MYH7: variants seen among roughly 807,000 people sequenced by gnomAD.
The protein encoded by MYH7 is myosin heavy chain 7, also known as myosin-7.
A neutral mutation model predicts 225.4 loss-of-function variants in MYH7; 129 were observed. That is an observed-to-expected ratio of 0.57 (90% CI 0.50 to 0.66). MYH7 has a LOEUF of 0.66. MYH7 is among the 30% of genes least tolerant of loss of function. The pLI, the probability that MYH7 is intolerant of heterozygous loss-of-function variation, is 0.00. For missense variants in MYH7, 1,649 were observed against 2,517.0 expected, an observed-to-expected ratio of 0.66 and a Z score of 7.38; for synonymous variants, 971 against 1,007.6, an observed-to-expected ratio of 0.96 and a Z score of 0.69.
chr14:23,431,328 G>C (rs1892926208), intron 9 of MYH7, 90 bp downstream of exon 9: 1 of 1,288,492 alleles, frequency 7.8e-7, no homozygotes, highest in African/African-American at 1.5e-5. Context: ...GAAAAACAGA[G>C]GGAGGGAGGG....
At chr14:23,419,793 A>C in intron 27 of MYH7, 52 bp downstream of exon 27, 1 of 1,613,988 alleles carries the variant, frequency 6.2e-7, no homozygotes, top group Middle Eastern at 1.7e-4. Flanking sequence ...CATGGACAGA[A>C]AGGGGAGGTG....
chr14:23,431,950 C>T (rs1892964181), intron 6 of MYH7, 81 bp from the exon 7 acceptor site: 7 of 1,445,090 alleles, frequency 4.8e-6, no homozygotes, highest in Non-Finnish European at 5.8e-6. Flanking sequence ...AATGCCTGGG[C>T]CTACCCGAGA....
intron 18 of MYH7, 84 bp downstream of exon 18, chr14:23,426,693 G>C (rs1892706179): frequency 1.6e-6 from 2 of 1,272,466 alleles, no homozygotes; most frequent in African/African-American, 2.9e-5. Context: ...CCACTGTGGT[G>C]GTAGGTAGGG....
chr14:23,416,141 G>C lies in MYH7; in HGVS notation c.4816C>G (p.Arg1606Gly). The C allele has an allele frequency of 6.2e-7, 1 of 1,614,168 alleles. No homozygotes were observed. Among genetic ancestry groups the C allele is most frequent in the Non-Finnish European group, 8.5e-7 (1 of 1,180,042 alleles). The change falls in exon 34 of 40, where the codon CGC (arginine) becomes GGC (glycine). Residue 1606 changes from arginine to glycine, a missense_variant. Physicochemically the swap from Arg to Gly is moderately radical, Grantham distance 125. This residue lies in a region of MYH7 where 687 missense variants were observed against 913.8 expected (regional missense o/e 0.75). Transcript: ENST00000355349. Reference sequence around the variant, plus strand: ...ACCCTCAGGGCCTCGTTGCGGCTGCGTGTCTCTGCGTCCAGGGAGGTCTGC... The same window carrying C: ...ACCCTCAGGGCCTCGTTGCGGCTGCCTGTCTCTGCGTCCAGGGAGGTCTGC... ...SLQTSLDAET[R>G]SRNEALRVKK...
At position 23,417,005 on chromosome 14, in the gene MYH7, C is replaced by T. The variant is rs1892242016; in HGVS notation, c.4520-13G>A. The T allele has an allele frequency of 1.2e-6, 2 of 1,614,108 alleles. No individual in the cohort carries two copies. Among genetic ancestry groups the T allele is most frequent in the East Asian group, 2.2e-5 (1 of 44,900 alleles). The stretch of plus-strand genomic sequence containing the variant: ...TCGGAGATCTCCTCTGTGTGGGGAA[C>T]ACGGTAACTCGGTTGAGGGCTGCTG... On this transcript the variant is annotated splice_polypyrimidine_tract_variant and intron_variant, in intron 32 of 39. Transcript: ENST00000355349.
chr14:23,430,578 C>T lies in MYH7; in HGVS notation c.981G>A (p.Glu327=). ...ETTVASIDDA[E]ELMATDNAFD... Reference sequence around the variant, plus strand: ...CACTCACATCAGTGGCCATGAGCTCCTCAGCGTCATCAATGGAGGCCACGG... The same window carrying T: ...CACTCACATCAGTGGCCATGAGCTCTTCAGCGTCATCAATGGAGGCCACGG... The change falls in exon 11 of 40, where the codon GAG becomes GAA. Residue 327 remains glutamate, a synonymous_variant. Coordinates refer to ENST00000355349, the MANE Select transcript of MYH7 (RefSeq NM_000257.4). The T allele has an allele frequency of 1.2e-6, 2 of 1,613,944 alleles. No individual in the cohort carries two copies. Among genetic ancestry groups the T allele is most frequent in the Non-Finnish European group, 1.7e-6 (2 of 1,179,850 alleles).
Position 23,416,061 on chromosome 14 carries a change from G to T in MYH7, c.4896C>A (p.Ala1632=), listed in dbSNP as rs765324390. ...TCTGGGCCTCGGCGGCCATGCGGTT[G>T]GCGTGGCTGAGCTGGATCTCCATCT... ...LNEMEIQLSH[A]NRMAAEAQKQ... Residue 1632 remains alanine, a synonymous_variant, in exon 34 of 40, where the codon GCC becomes GCA. Transcript: ENST00000355349. 1 of 1,614,202 alleles carries T rather than the reference G, an allele frequency of 6.2e-7. No homozygotes were observed. The highest frequency in any genetic ancestry group is 2.2e-5 in the East Asian group (1 of 44,888).
chr14:23,418,099 T>C, intron 30 of MYH7, 111 bp downstream of exon 30: 1 of 1,514,258 alleles, frequency 6.6e-7, no homozygotes, highest in Non-Finnish European at 9.2e-7. Flanking sequence ...TCCTCCTGTG[T>C]TGTCAAACAC....
At chr14:23,430,468 C>T in intron 11 of MYH7, 92 bp downstream of exon 11, 2 of 1,034,820 alleles carry the variant, frequency 1.9e-6, no homozygotes, top group South Asian at 1.3e-5. Flanking sequence ...CTTTAAACAA[C>T]CAATGGCCAG....
chr14:23,421,206 C>T (rs138063342), intron 25 of MYH7, among the ~76,000 whole-genome samples, 158 bp from the exon 26 acceptor site: 438 of 152,228 alleles, frequency 2.9e-3, no homozygotes, highest in Non-Finnish European at 5.1e-3. Flanking sequence ...GTAACACCTG[C>T]GGTGAGATTG....
Position 23,429,024 on chromosome 14 carries a change from G to A in MYH7, c.1338C>T (p.Thr446=), listed in dbSNP as rs147327560. The A allele has an allele frequency of 2.5e-6, 4 of 1,614,074 alleles. No homozygotes were observed. The highest frequency in any genetic ancestry group is 3.4e-6 in the Non-Finnish European group (4 of 1,180,042). The change falls in exon 14 of 40, where the codon ACC becomes ACT. Residue 446 remains threonine (T), a synonymous_variant. Transcript: ENST00000355349. The part of the protein sequence containing the change: ...FNWMVTRINA[T]LETKQPRQYF... ...ACTGGCGTGGCTGCTTGGTCTCCAG[G>A]GTGGCATTGATGCGCGTCACCATCC...
chr14:23,434,386 G>C, intron 1 of MYH7, 137 bp from the exon 2 acceptor site: 2 of 422,728 alleles, frequency 4.7e-6, no homozygotes, highest in Non-Finnish European at 6.3e-6. Context: ...CAGCTTCTCT[G>C]GTCCCATCCT....
At chr14:23,417,447 A>C in intron 31 of MYH7, 56 bp downstream of exon 31, 2 of 1,611,928 alleles carry the variant, frequency 1.2e-6, no homozygotes, top group Non-Finnish European at 1.7e-6. Context: ...CCTCTCACTG[A>C]ACCCCTCATG....
In MYH7 at chr14:23,415,240, C is replaced by T. The variant is rs1326035646; in HGVS notation, c.5314G>A (p.Glu1772Lys). The change falls in exon 37 of 40, where the codon GAG becomes AAG. Residue 1772 changes from glutamate (E) to lysine (K), a missense_variant. Coordinates refer to ENST00000355349, the MANE Select transcript of MYH7 (RefSeq NM_000257.4). The surrounding 1 kb of genome is among the most constrained non-coding windows in gnomAD (Gnocchi z 6.3). ...TCCAGGTGGGCGCTGGTGTCCTGCTCCTTCTTCAGCTCCTCTGCCATCATG... is the reference window on the plus strand; with the variant it reads ...TCCAGGTGGGCGCTGGTGTCCTGCTTCTTCTTCAGCTCCTCTGCCATCATG... ...AAMMAEELKK[E>K]QDTSAHLERM... is the part of the protein sequence containing the mutation. 1 of 1,614,258 alleles carries T rather than the reference C, an allele frequency of 6.2e-7. No homozygotes were observed. The highest frequency in any genetic ancestry group is 2.2e-5 in the East Asian group (1 of 44,880).
At position 23,434,288 on chromosome 14, in the gene MYH7, C is replaced by A. The variant is rs1030013597; in HGVS notation, c.-64-39G>T. On this transcript the variant is annotated intron_variant, in intron 1 of 39. Coordinates refer to ENST00000355349, the MANE Select transcript of MYH7 (RefSeq NM_000257.4). ...AGAGGCTGTGTCAGGGCAGGCTGTG[C>A]CCAACCTGACCAGTCCCACCTTCCT... 17 of 995,538 alleles carry A rather than the reference C, an allele frequency of 1.7e-5. No individual in the cohort carries two copies. The South Asian group carries it at 6.2e-4, about 37-fold the overall frequency. 61.7% of individuals were successfully genotyped at this position (995,538 alleles called of 1,614,324 possible). A position where few individuals can be genotyped will look rare whatever the true frequency, so the allele number is the denominator to read the frequency against.
At chr14:23,428,355 C>A in intron 15 of MYH7, 145 bp downstream of exon 15, 1 of 1,375,182 alleles carries the variant, frequency 7.3e-7, no homozygotes, top group Non-Finnish European at 1.0e-6. Flanking sequence ...GTGCTCAGCA[C>A]AACATAGGCT....
At chr14:23,422,018 C>G (rs1438489402) in intron 25 of MYH7, among the ~76,000 whole-genome samples, 162 bp downstream of exon 25, 2 of 152,182 alleles carry the variant, frequency 1.3e-5, no homozygotes, top group Non-Finnish European at 2.9e-5. Context: ...ATATCTGGGA[C>G]TAGGGGAGGA....
At chr14:23,414,841 A>G (rs994095350) in intron 37 of MYH7, among the ~76,000 whole-genome samples, 154 bp downstream of exon 37, 3 of 152,266 alleles carry the variant, frequency 2.0e-5, no homozygotes, top group Non-Finnish European at 4.4e-5. Flanking sequence ...GCTAGGGGAC[A>G]TTCAGAGTGG....
At chr14:23,421,277 A>G (rs1041936710) in intron 25 of MYH7, among the ~76,000 whole-genome samples, 2 of 152,204 alleles carry the variant, frequency 1.3e-5, no homozygotes, top group African/African-American at 4.8e-5. Context: ...CCTGGGCTCT[A>G]CAGGACATTC....
Sources: allele counts gnomAD v4.1 joint callset (sites outside exome capture counted in the v4.1 genomes callset), GRCh38; gene constraint gnomAD v4.1.1; regional missense constraint gnomAD v4.1.1; non-coding constraint Gnocchi (gnomAD v3.1); transcripts MANE v1.5; gene names NCBI Gene and HGNC (gene_info 2026-07-23, HGNC 2026-07-21).